ZFPM2: variants seen among roughly 807,000 people sequenced by gnomAD.
The protein encoded by ZFPM2 is zinc finger protein ZFPM2.
In ZFPM2, 20 loss-of-function variants were observed where a neutral mutation model predicts 98.6. That is an observed-to-expected ratio of 0.20 (90% CI 0.14 to 0.29). The LOEUF is 0.29. ZFPM2 is among the 10% of genes least tolerant of loss of function. The pLI, the probability that ZFPM2 is intolerant of heterozygous loss-of-function variation, is 1.00. For synonymous variants in ZFPM2, 518 were observed against 502.7 expected (o/e 1.03, Z -0.41); for missense variants, 1,310 against 1,388.6 (o/e 0.94, Z 0.90).
intron 3 of ZFPM2, among the ~76,000 whole-genome samples, chr8:105,523,587 A>T (rs1814108056): frequency 6.6e-6 from 1 of 152,118 alleles, no homozygotes; most frequent in Non-Finnish European, 1.5e-5. Context: ...CTTTGAAGTA[A>T]ATCCTCTGAA....
intron 5 of ZFPM2, among the ~76,000 whole-genome samples, chr8:105,749,722 A>G (rs1378535893): frequency 6.6e-6 from 1 of 151,966 alleles, no homozygotes; most frequent in Non-Finnish European, 1.5e-5. Flanking sequence ...GAGAAGGAGA[A>G]TGTAGGAAAG....
chr8:105,768,361 A>G (rs548476934), intron 5 of ZFPM2, among the ~76,000 whole-genome samples: 4 of 152,098 alleles, frequency 2.6e-5, no homozygotes, highest in South Asian at 2.1e-4. Flanking sequence ...AAATATCTCT[A>G]GAAGCACAGA....
chr8:105,395,158 C>T (rs1265086558), intron 1 of ZFPM2, among the ~76,000 whole-genome samples: 1 of 152,320 alleles, frequency 6.6e-6, no homozygotes, highest in African/African-American at 2.4e-5. Flanking sequence ...CCAACCAAAT[C>T]CTTCCGCTAC....
chr8:105,342,946 T>C (rs1464267570), intron 1 of ZFPM2, among the ~76,000 whole-genome samples: 2 of 151,964 alleles, frequency 1.3e-5, no homozygotes, highest in Non-Finnish European at 2.9e-5. Flanking sequence ...AGTATAACAA[T>C]CTTCTGGAGG....
chr8:105,528,932 C>G (rs1814232718), intron 3 of ZFPM2: 1 of 152,142 alleles, frequency 6.6e-6, no homozygotes, highest in Non-Finnish European at 1.5e-5. Flanking sequence ...AGTTTTGAAC[C>G]TGTTTTTTCA....
At chr8:105,603,067 T>C (rs1816124806) in intron 4 of ZFPM2, among the ~76,000 whole-genome samples, 1 of 152,146 alleles carries the variant, frequency 6.6e-6, no homozygotes, top group Non-Finnish European at 1.5e-5. Context: ...TTCATGATTT[T>C]TGCATAGTGG....
At chr8:105,587,654 A>G (rs1815752460) in intron 4 of ZFPM2, among the ~76,000 whole-genome samples, 1 of 152,178 alleles carries the variant, frequency 6.6e-6, no homozygotes, top group Non-Finnish European at 1.5e-5. Flanking sequence ...CATTTCTATA[A>G]AGCACAAATA....
intron 3 of ZFPM2, among the ~76,000 whole-genome samples, chr8:105,499,214 A>G (rs1353818807): frequency 6.6e-6 from 1 of 151,898 alleles, no homozygotes; most frequent in Admixed American, 6.6e-5. Context: ...AATTCAGGCA[A>G]TGCGACGTCA....
intron 5 of ZFPM2, among the ~76,000 whole-genome samples, chr8:105,773,200 A>G (rs1343011201): frequency 6.6e-6 from 1 of 152,182 alleles, no homozygotes; most frequent in African/African-American, 2.4e-5. Context: ...AATTGACTCT[A>G]GGTATATATA....
chr8:105,393,382 C>CTTTCTTTCTTTCT (rs1811156613), intron 1 of ZFPM2, among the ~76,000 whole-genome samples: 1 of 47,538 alleles, frequency 2.1e-5, no homozygotes, highest in East Asian at 4.8e-4. Flanking sequence ...TTCTTTCTTT[C>CTTTCTTTCTTTCT]TTTCTTTCTT....
rs879458368 is a variant in ZFPM2, at chr8:105,434,192, AT to A, written c.200-10075del. ...TCTTTTCAAACAGTTGAAATTCTTA[AT>A]TTTTTTTTTTTTAGGTATTGCCATA... On this transcript the variant is annotated intron_variant, in intron 2 of 7. Coordinates refer to ENST00000407775, the MANE Select transcript of ZFPM2 (RefSeq NM_012082.4). Among the ~76,000 whole-genome samples, 200 of 145,750 alleles carry A rather than the reference AT, an allele frequency of 1.4e-3. 1 individual carries two copies. Among genetic ancestry groups the A allele is most frequent in the South Asian group, 7.4e-3 (34 of 4,592 alleles).
At chr8:105,410,822 C>G (rs1811561840) in intron 1 of ZFPM2, among the ~76,000 whole-genome samples, 1 of 151,732 alleles carries the variant, frequency 6.6e-6, no homozygotes, top group Admixed American at 6.6e-5. Context: ...AGGTTCAGAT[C>G]CTTTCCTTTC....
chr8:105,613,540 G>A (rs998891987), intron 4 of ZFPM2, among the ~76,000 whole-genome samples: 4 of 152,250 alleles, frequency 2.6e-5, no homozygotes, highest in African/African-American at 9.6e-5. Flanking sequence ...GGAAGGAAGA[G>A]CAAGAAAAAT....
rs867590563 is a variant in ZFPM2, at chr8:105,462,834, G to A, written c.301+18453G>A. Among the ~76,000 whole-genome samples, 46 of 151,868 alleles carry A rather than the reference G, an allele frequency of 3.0e-4. 1 individual carries two copies. The highest frequency in any genetic ancestry group is 8.7e-4 in the African/African-American group (36 of 41,308). Reference sequence around the variant, plus strand: ...GAATGGCCAAAGAAATAGCGAATCCGTTTGTATCTATGTTGTTCAAAAAAT... The same window carrying A: ...GAATGGCCAAAGAAATAGCGAATCCATTTGTATCTATGTTGTTCAAAAAAT... On this transcript the variant is annotated intron_variant, in intron 3 of 7. Transcript: ENST00000407775.
At chr8:105,456,379 A>G (rs1432727443) in intron 3 of ZFPM2, among the ~76,000 whole-genome samples, 1 of 151,946 alleles carries the variant, frequency 6.6e-6, no homozygotes, top group East Asian at 1.9e-4. Flanking sequence ...GTAGTAAACA[A>G]CCATTGTTGA....
At chr8:105,775,914 G>T (rs1191547475) in intron 5 of ZFPM2, among the ~76,000 whole-genome samples, 2 of 152,056 alleles carry the variant, frequency 1.3e-5, no homozygotes, top group African/African-American at 4.8e-5. Context: ...ATTAATTCAG[G>T]TTTTCCAGAA....
chr8:105,453,560 A>G (rs1812528012), intron 3 of ZFPM2, among the ~76,000 whole-genome samples: 2 of 152,202 alleles, frequency 1.3e-5, no homozygotes, highest in Non-Finnish European at 2.9e-5. Flanking sequence ...GCCCAACTTC[A>G]AAAGTTATCA....
chr8:105,405,893 A>C (rs1473149430), intron 1 of ZFPM2, among the ~76,000 whole-genome samples: 6 of 152,018 alleles, frequency 3.9e-5, no homozygotes, highest in Non-Finnish European at 8.8e-5. Flanking sequence ...TACAGTCCCC[A>C]CAACAGTGTA....
intron 5 of ZFPM2, among the ~76,000 whole-genome samples, chr8:105,706,780 A>G (rs191883721): frequency 6.0e-4 from 92 of 152,146 alleles, no homozygotes; most frequent in African/African-American, 2.1e-3. Flanking sequence ...GGGTTTCACC[A>G]TGTTGGCCAG....
Sources: allele counts gnomAD v4.1 joint callset (sites outside exome capture counted in the v4.1 genomes callset), GRCh38; gene constraint gnomAD v4.1.1; transcripts MANE v1.5; gene names NCBI Gene and HGNC (gene_info 2026-07-23, HGNC 2026-07-21).